The following CNTN4 variants were observed in gnomAD, a reference collection of about 807,000 sequenced individuals.
The protein encoded by CNTN4 is contactin 4.
Under a neutral mutation model 122.5 loss-of-function variants are expected in CNTN4, and 77 were observed. That is an observed-to-expected ratio of 0.63 (90% CI 0.52 to 0.76). The LOEUF is 0.76. CNTN4 is among the 30% of genes least tolerant of loss of function. The pLI is 0.00. For synonymous variants in CNTN4, 512 were observed against 447.0 expected, an observed-to-expected ratio of 1.15 and a Z score of -1.83; for missense variants, 1,256 against 1,259.1, an observed-to-expected ratio of 1.00 and a Z score of 0.04.
intron 4 of CNTN4, among the ~76,000 whole-genome samples, chr3:2,676,438 C>T (rs1402467774): frequency 3.3e-5 from 5 of 152,138 alleles, no homozygotes; most frequent in Admixed American, 2.0e-4. Context: ...GCCAGACTGG[C>T]GTCAAACTCC....
chr3:2,149,846 C>T (rs73095813), intron 2 of CNTN4, among the ~76,000 whole-genome samples: 7 of 152,028 alleles, frequency 4.6e-5, no homozygotes, highest in South Asian at 2.1e-4. Context: ...TGTGTATTTT[C>T]ACTTCCTCAT....
intron 2 of CNTN4, among the ~76,000 whole-genome samples, chr3:2,113,737 A>G (rs2033136409): frequency 1.3e-5 from 2 of 152,224 alleles, no homozygotes; most frequent in Non-Finnish European, 2.9e-5. Context: ...AATATAGTCA[A>G]TATGAATGGA....
At chr3:2,133,885 T>C (rs2034564936) in intron 2 of CNTN4, among the ~76,000 whole-genome samples, 1 of 152,218 alleles carries the variant, frequency 6.6e-6, no homozygotes, top group African/African-American at 2.4e-5. Flanking sequence ...GAATTAGATT[T>C]AAAGCTCTAT....
At chr3:2,113,746 G>A (rs981905507) in intron 2 of CNTN4, among the ~76,000 whole-genome samples, 3 of 152,154 alleles carry the variant, frequency 2.0e-5, no homozygotes, top group Non-Finnish European at 4.4e-5. Context: ...AATATGAATG[G>A]AATAGACAAT....
chr3:3,037,413 C>T (rs879246461), intron 18 of CNTN4, 85 bp downstream of exon 18: 37 of 1,556,110 alleles, frequency 2.4e-5, no homozygotes, highest in Admixed American at 1.2e-4. Flanking sequence ...TGCTCTTCAG[C>T]GCTCATGCGG....
At chr3:2,138,851 T>TTCTC (rs147643217) in intron 2 of CNTN4, among the ~76,000 whole-genome samples, 2 of 150,310 alleles carry the variant, frequency 1.3e-5, no homozygotes, top group African/African-American at 4.9e-5. Context: ...ATAAATTTTC[T>TTCTC]TCTCTCTCTC....
intron 3 of CNTN4, among the ~76,000 whole-genome samples, chr3:2,502,524 C>A (rs1039977765): frequency 3.3e-5 from 5 of 152,114 alleles, no homozygotes; most frequent in African/African-American, 1.2e-4. Context: ...TGTCTCTATG[C>A]CTTCCATCCA....
intron 4 of CNTN4, among the ~76,000 whole-genome samples, chr3:2,602,883 A>G (rs957687627): frequency 8.5e-5 from 13 of 152,200 alleles, no homozygotes; most frequent in Non-Finnish European, 1.6e-4. Flanking sequence ...GAGAAAAAGC[A>G]AGGCTTAAGT....
chr3:2,562,672 C>A (rs2079007202), intron 3 of CNTN4, among the ~76,000 whole-genome samples: 1 of 151,908 alleles, frequency 6.6e-6, no homozygotes, highest in Admixed American at 6.6e-5. Context: ...AGTGCTGTGA[C>A]AAACATACAA....
intron 6 of CNTN4, among the ~76,000 whole-genome samples, chr3:2,812,980 C>T (rs1046114810): frequency 1.3e-5 from 2 of 152,166 alleles, no homozygotes; most frequent in African/African-American, 2.4e-5. Flanking sequence ...GAAGTCCAGT[C>T]TTCCTTCTTC....
Position 2,709,238 on chromosome 3 carries a change from G to A in CNTN4, c.56-26977G>A, listed in dbSNP as rs2086953589. ...AACTATTTCTTTTAGAATAAAGAAT[G>A]TATTTATAGTTTTGTTTTGTTTTTA... On this transcript the variant is annotated intron_variant, in intron 4 of 24. Transcript: ENST00000418658. This position sits in a 1 kb window ranked among gnomAD's most constrained non-coding sequence, Gnocchi z 5.0. 6.6e-6 allele frequency among the ~76,000 whole-genome samples: 1 copy of A among 152,168 alleles called. No homozygotes were observed. Among genetic ancestry groups the A allele is most frequent in the Admixed American group, 6.5e-5 (1 of 15,272 alleles).
At chr3:2,191,694 GTATATA>G (rs5846168) in intron 2 of CNTN4, among the ~76,000 whole-genome samples, 2 of 42,284 alleles carry the variant, frequency 4.7e-5, no homozygotes, top group Admixed American at 3.6e-4. Flanking sequence ...AAAATTCTAT[GTATATA>G]TATATATATA....
chr3:2,287,272 C>A lies in CNTN4; in HGVS notation c.-144-51906C>A, dbSNP rs1294991268. Among the ~76,000 whole-genome samples, 3 of 152,024 alleles carry A rather than the reference C, an allele frequency of 2.0e-5. No individual in the cohort carries two copies. In the East Asian group the frequency reaches 5.8e-4, roughly 29 times the overall value. On this transcript the variant is annotated intron_variant, in intron 2 of 24. Coordinates refer to ENST00000418658, the MANE Select transcript of CNTN4 (RefSeq NM_175607.3). Reference sequence around the variant, plus strand: ...AAATATGCTAGTTTTTTTCATAGCACATTTTAAAACTGAACATTTGAAATG... The same window carrying A: ...AAATATGCTAGTTTTTTTCATAGCAAATTTTAAAACTGAACATTTGAAATG...
chr3:2,806,140 A>G (rs1336431942), intron 6 of CNTN4, among the ~76,000 whole-genome samples: 6 of 151,794 alleles, frequency 4.0e-5, no homozygotes, highest in African/African-American at 1.5e-4. Context: ...TGACCTCGGG[A>G]TCCGCCTGCC....
intron 14 of CNTN4, among the ~76,000 whole-genome samples, chr3:3,004,426 T>C (rs566182835): frequency 1.3e-5 from 2 of 152,324 alleles, no homozygotes; most frequent in South Asian, 2.1e-4. Flanking sequence ...CCTTCCTCTC[T>C]ATTTCTGTGA....
intron 3 of CNTN4, among the ~76,000 whole-genome samples, chr3:2,377,998 G>T (rs535591765): frequency 3.3e-5 from 5 of 152,236 alleles, no homozygotes; most frequent in Admixed American, 3.3e-4. Flanking sequence ...TCACCTCATG[G>T]TTTTTTCAGT....
At chr3:2,186,486 G>T (rs1409668320) in intron 2 of CNTN4, among the ~76,000 whole-genome samples, 1 of 152,174 alleles carries the variant, frequency 6.6e-6, no homozygotes, top group African/African-American at 2.4e-5. Flanking sequence ...TCTAGTTCTA[G>T]ATCCTTGAGG....
intron 20 of CNTN4, among the ~76,000 whole-genome samples, chr3:3,041,864 G>GCGGGAGGATGGCTTGAGCT (rs1700195024): frequency 1.3e-5 from 2 of 152,184 alleles, no homozygotes; most frequent in Admixed American, 1.3e-4. Context: ...GGAGGCTGAG[G>GCGGGAGGATGGCTTGAGCT]CGGGAGGATG....
In CNTN4 at chr3:2,925,627, A is replaced by G; in HGVS notation, c.1208-2A>G. ...ATAATTATTTTTTGTACTGTCTTTC[A>G]GCTGTAGGTCCAGATTTTTCAAGAA... On this transcript the variant is annotated splice_acceptor_variant, in intron 12 of 24. Coordinates refer to ENST00000418658, the MANE Select transcript of CNTN4 (RefSeq NM_175607.3). LOFTEE classifies it high-confidence loss of function. 1 of 1,613,434 alleles carries G rather than the reference A, an allele frequency of 6.2e-7. No homozygotes were observed. Among genetic ancestry groups the G allele is most frequent in the Non-Finnish European group, 8.5e-7 (1 of 1,179,426 alleles).
Sources: gnomAD v4.1 joint callset for allele counts (sites outside exome capture counted in the v4.1 genomes callset) on GRCh38, gnomAD v4.1.1 for gene constraint, Gnocchi (gnomAD v3.1) non-coding constraint, MANE v1.5 for transcripts, NCBI Gene and HGNC (gene_info 2026-07-23, HGNC 2026-07-21) for gene names.